ANO1: variants seen among roughly 807,000 people sequenced by gnomAD.
The protein encoded by ANO1 is anoctamin-1.
Under a neutral mutation model 124.0 loss-of-function variants are expected in ANO1, and 59 were observed. That is an observed-to-expected ratio of 0.48 (90% CI 0.39 to 0.59). ANO1 has a LOEUF of 0.59. Ranked by LOEUF, ANO1 falls within the 20% of genes least tolerant of loss-of-function variation. The pLI, the probability that ANO1 is intolerant of heterozygous loss-of-function variation, is 0.00. For missense variants in ANO1, 1,059 were observed against 1,328.0 expected (o/e 0.80, Z 3.15); for synonymous variants, 529 against 532.0 (o/e 0.99, Z 0.08).
intron 1 of ANO1, among the ~76,000 whole-genome samples, chr11:70,037,115 C>T (rs1325311433): frequency 2.0e-5 from 3 of 152,152 alleles, no homozygotes; most frequent in Non-Finnish European, 2.9e-5. Context: ...ACACAGAAGT[C>T]CCTGCCTTCA....
chr11:70,103,710 C>T (rs991490489), intron 3 of ANO1, among the ~76,000 whole-genome samples: 1 of 152,146 alleles, frequency 6.6e-6, no homozygotes, highest in African/African-American at 2.4e-5. Flanking sequence ...TCCTGCTTCT[C>T]GCGTCCTCAG....
chr11:70,158,844 G>A (rs376117131), intron 16 of ANO1, among the ~76,000 whole-genome samples: 4 of 64,034 alleles, frequency 6.2e-5, no homozygotes, highest in Admixed American at 1.3e-4. Flanking sequence ...GGACCCCCTC[G>A]GTGGGGGCTG....
At position 70,105,740 on chromosome 11, in the gene ANO1, C is replaced by G. The variant is rs369758858; in HGVS notation, c.699C>G (p.Asp233Glu). Residue 233 changes from aspartate to glutamate, a missense_variant, in exon 5 of 26, where the codon GAC becomes GAG. Transcript: ENST00000355303. ...CTTCCCGATATTTCCACAGATTTGA[C>G]TTGTCTGATAAGGATTCCTTTTTCG... ...PFSREKQHLFDLSDKDSFFDS... is the reference protein window; with the variant it reads ...PFSREKQHLFELSDKDSFFDS... 6 of 1,613,554 alleles carry G rather than the reference C, an allele frequency of 3.7e-6. No individual in the cohort carries two copies. The African/African-American group carries it at 8.0e-5, about 22-fold the overall frequency.
At chr11:69,995,093 G>GTTTTTTT (rs1278482378) in intron 1 of ANO1, among the ~76,000 whole-genome samples, 4 of 21,656 alleles carry the variant, frequency 1.8e-4, no homozygotes, top group African/African-American at 3.6e-4. Flanking sequence ...TGCTGGCACT[G>GTTTTTTT]TTTTTTTTTT....
upstream of ANO1, among the ~76,000 whole-genome samples, chr11:70,074,009 G>A (rs1232286056): frequency 8.5e-5 from 13 of 152,134 alleles, no homozygotes; most frequent in African/African-American, 2.4e-4. Context: ...CCCGTCTCCC[G>A]CCCACCATAT....
rs767375305 is a variant in ANO1 at position 70,116,465 on chromosome 11, A to G, written c.863A>G (p.Tyr288Cys). ...AAAYPLHDGD[Y>C]NGENVEFNDR... ...TTCCTCTTTTTTTAACAGGGAGACT[A>G]CAACGGTGAAAACGTCGAGTTCAAC... The change falls in exon 8 of 26, where the codon TAC (tyrosine) becomes TGC (cysteine). Residue 288 changes from tyrosine to cysteine, a missense_variant. Transcript: ENST00000355303. The G allele has an allele frequency of 2.2e-5, 35 of 1,599,268 alleles. No individual in the cohort carries two copies. The Admixed American group carries it at 3.8e-4, about 17-fold the overall frequency.
At chr11:70,137,039 G>GA (rs2046979738) in intron 11 of ANO1, among the ~76,000 whole-genome samples, 1 of 147,260 alleles carries the variant, frequency 6.8e-6, no homozygotes, top group Non-Finnish European at 1.5e-5. Flanking sequence ...AGCATTGGGA[G>GA]GTGATGTCTA....
At chr11:70,025,437 G>A (rs1307323360) in intron 1 of ANO1, among the ~76,000 whole-genome samples, 2 of 151,180 alleles carry the variant, frequency 1.3e-5, no homozygotes, top group Non-Finnish European at 1.5e-5. Context: ...GATGGTAATG[G>A]TGATGACAGT....
the ANO1 span, among the ~76,000 whole-genome samples, chr11:69,980,618 CA>C: frequency 6.8e-5 from 9 of 132,792 alleles, no homozygotes; most frequent in South Asian, 2.4e-4. Context: ...AAGACTGTCT[CA>C]AAAAAAAAAC....
At chr11:70,021,965 A>G (rs1379989937) in intron 1 of ANO1, among the ~76,000 whole-genome samples, 1 of 152,188 alleles carries the variant, frequency 6.6e-6, no homozygotes, top group African/African-American at 2.4e-5. Context: ...AGCAGACGAA[A>G]CCAAGCATAA....
chr11:70,004,788 C>A (rs1290525226), intron 1 of ANO1, among the ~76,000 whole-genome samples: 1 of 152,144 alleles, frequency 6.6e-6, no homozygotes, highest in East Asian at 1.9e-4. Context: ...ACTAGCGCAC[C>A]TTTGAACAGT....
chr11:70,028,524 T>G (rs1856948059), intron 1 of ANO1, among the ~76,000 whole-genome samples: 1 of 151,986 alleles, frequency 6.6e-6, no homozygotes, highest in African/African-American at 2.4e-5. Context: ...ACTCAATTGA[T>G]GGTCTCTCCT....
At chr11:69,975,693 C>T in the ANO1 span, among the ~76,000 whole-genome samples, 9 of 152,324 alleles carry the variant, frequency 5.9e-5, no homozygotes, top group South Asian at 2.1e-4. Flanking sequence ...CTCCGGGATC[C>T]GCTCTCCAGG....
intron 1 of ANO1, among the ~76,000 whole-genome samples, chr11:70,023,660 C>T (rs1379219255): frequency 6.6e-6 from 1 of 152,170 alleles, no homozygotes; most frequent in African/African-American, 2.4e-5. Flanking sequence ...CAAGGCTGCC[C>T]ATTGGGGAAG....
In ANO1 at chr11:70,178,592, CT is replaced by C. The variant is rs1319144109; in HGVS notation, c.2351-1409del. ...TTTTTTTTTTTTTTTGAGACAGAAC[CT>C]TTCTCTGTTGCCCATGCTGGAATGC... On this transcript the variant is annotated intron_variant, in intron 22 of 25. Coordinates refer to ENST00000355303, the MANE Select transcript of ANO1 (RefSeq NM_018043.7). Among the ~76,000 whole-genome samples the C allele has an allele frequency of 2.7e-5, 4 of 148,852 alleles. No homozygotes were observed. In the East Asian group the frequency reaches 7.8e-4, roughly 29 times the overall value.
At chr11:70,052,979 T>C (rs1857377407) in intron 1 of ANO1, among the ~76,000 whole-genome samples, 1 of 152,254 alleles carries the variant, frequency 6.6e-6, no homozygotes, top group Non-Finnish European at 1.5e-5. Flanking sequence ...ATTGAAGTCA[T>C]GCATCTTTTT....
In ANO1 at chr11:70,155,933, A is replaced by G. The variant is rs980764262; in HGVS notation, c.1448A>G (p.Glu483Gly). The G allele has an allele frequency of 6.5e-7, 1 of 1,541,098 alleles. No homozygotes were observed. The highest frequency in any genetic ancestry group is 8.7e-7 in the Non-Finnish European group (1 of 1,143,050). The change falls in exon 15 of 26, where the codon GAG becomes GGG. Residue 483 changes from glutamate (E) to glycine (G), a missense_variant. Physicochemically the swap from Glu to Gly is moderately conservative, Grantham distance 98. Transcript: ENST00000355303. ...NKEKRRHIPE[E>G]STNKWKQRVK... is the part of the protein sequence containing the mutation. ...CAGAAGCGCCGGCATATTCCAGAGG[A>G]GTCAACAAACAAATGGAAGCAGAGG...
At chr11:70,051,520 G>A (rs1389923845) in intron 1 of ANO1, among the ~76,000 whole-genome samples, 4 of 152,202 alleles carry the variant, frequency 2.6e-5, no homozygotes, top group East Asian at 1.9e-4. Flanking sequence ...GTCTAGAAAC[G>A]CCACATCTTC....
chr11:70,112,322 G>GT lies in ANO1; in HGVS notation c.855+561dup, dbSNP rs542227930. Among the ~76,000 whole-genome samples, 12 of 152,362 alleles carry GT rather than the reference G, an allele frequency of 7.9e-5. No homozygotes were observed. In the South Asian group the frequency reaches 2.5e-3, roughly 32 times the overall value. ...GAATGGGCCTCCGGGCCTGAGCAGT[G>GT]TGGGAATCCCAGACAGAGGAGCTCT... On this transcript the variant is annotated intron_variant, in intron 7 of 25. Transcript: ENST00000355303.
Sources: allele counts gnomAD v4.1 joint callset (sites outside exome capture counted in the v4.1 genomes callset), GRCh38; gene constraint gnomAD v4.1.1; transcripts MANE v1.5; gene names NCBI Gene and HGNC (gene_info 2026-07-23, HGNC 2026-07-21).